Variants in EVI5 observed in about 807,000 individuals in gnomAD.
The protein encoded by EVI5 is ecotropic viral integration site 5 protein homolog.
Under a neutral mutation model 112.0 loss-of-function variants are expected in EVI5, and 73 were observed. The observed-to-expected ratio is 0.65, with a 90% confidence interval of 0.54 to 0.79. The LOEUF (loss-of-function observed/expected upper bound fraction) is 0.79, where lower values mean the gene tolerates loss of function less well. Ranked by LOEUF, EVI5 falls within the 30% of genes least tolerant of loss-of-function variation. EVI5 has a pLI of 0.00. For missense variants in EVI5, 900 were observed against 968.8 expected (o/e 0.93, Z 0.94); for synonymous variants, 305 against 319.9 (o/e 0.95, Z 0.50).
chr1:92,649,913 T>G (rs867988516), intron 13 of EVI5, among the ~76,000 whole-genome samples: 6 of 152,230 alleles, frequency 3.9e-5, no homozygotes, highest in Non-Finnish European at 7.3e-5. Context: ...ATATCCAGTT[T>G]TCCCAGCATC....
chr1:92,774,617 C>T (rs561140077), intron 1 of EVI5, among the ~76,000 whole-genome samples: 1 of 152,290 alleles, frequency 6.6e-6, no homozygotes, highest in Admixed American at 6.5e-5. Flanking sequence ...CTAGCAGTTA[C>T]TTAAGAGGAG....
intron 19 of EVI5, among the ~76,000 whole-genome samples, chr1:92,547,927 A>G (rs1309553037): frequency 2.0e-5 from 3 of 152,226 alleles, no homozygotes; most frequent in Admixed American, 2.0e-4. Flanking sequence ...TACAAGGAGG[A>G]GCTGGTACCA....
At chr1:92,529,310 T>G (rs561959411) in intron 19 of EVI5, among the ~76,000 whole-genome samples, 1 of 152,280 alleles carries the variant, frequency 6.6e-6, no homozygotes, top group Admixed American at 6.5e-5. Context: ...TGACCTACTT[T>G]GATACTGTAT....
chr1:92,726,123 G>A (rs189359580), intron 2 of EVI5, among the ~76,000 whole-genome samples: 8 of 152,248 alleles, frequency 5.3e-5, no homozygotes, highest in African/African-American at 1.9e-4. Flanking sequence ...TAAAGAAGAG[G>A]CAAGAAAGGG....
upstream of EVI5, among the ~76,000 whole-genome samples, chr1:92,789,438 G>A (rs942842011): frequency 3.3e-5 from 5 of 152,000 alleles, no homozygotes; most frequent in Non-Finnish European, 4.4e-5. Context: ...GAGCAGCTGG[G>A]ACTACAGGCG....
chr1:92,516,425 T>C (rs529688942), intron 19 of EVI5, among the ~76,000 whole-genome samples: 16 of 152,320 alleles, frequency 1.1e-4, no homozygotes, highest in Admixed American at 2.6e-4. Flanking sequence ...AGGAATCTCA[T>C]TGAGAGCTGT....
At chr1:92,558,287 GTGA>G (rs1667990435) in intron 19 of EVI5, among the ~76,000 whole-genome samples, 1 of 151,486 alleles carries the variant, frequency 6.6e-6, no homozygotes, top group Non-Finnish European at 1.5e-5. Flanking sequence ...TCACATGCCA[GTGA>G]TGGCTACAAT....
intron 1 of EVI5, among the ~76,000 whole-genome samples, chr1:92,765,504 A>G (rs894583202): frequency 2.0e-5 from 3 of 151,412 alleles, no homozygotes; most frequent in African/African-American, 7.3e-5. Flanking sequence ...CACAGTAAAT[A>G]TCAAGACACA....
chr1:92,574,535 T>G (rs549272962), intron 18 of EVI5, among the ~76,000 whole-genome samples: 1 of 152,274 alleles, frequency 6.6e-6, no homozygotes, highest in South Asian at 2.1e-4. Flanking sequence ...GAATGTCAAG[T>G]TGCTTTGAGC....
chr1:92,529,101 A>G (rs778221938), intron 19 of EVI5, among the ~76,000 whole-genome samples: 1 of 152,210 alleles, frequency 6.6e-6, no homozygotes, highest in Non-Finnish European at 1.5e-5. Context: ...TGCCCATTAC[A>G]AAATTGCTCT....
intron 1 of EVI5, chr1:92,757,099 A>G (rs1328668150): frequency 6.1e-6 from 1 of 164,734 alleles, no homozygotes; most frequent in East Asian, 1.8e-4. Context: ...AAGACTGAAT[A>G]TCTCTTTCAA....
chr1:92,649,907 C>T (rs1661787110), intron 13 of EVI5, among the ~76,000 whole-genome samples: 2 of 152,186 alleles, frequency 1.3e-5, no homozygotes, highest in South Asian at 4.1e-4. Flanking sequence ...AGGAGAATAT[C>T]CAGTTTTCCC....
chr1:92,537,604 A>T (rs1455048255), intron 19 of EVI5, among the ~76,000 whole-genome samples: 2 of 152,144 alleles, frequency 1.3e-5, no homozygotes, highest in African/African-American at 4.8e-5. Context: ...ATTCTCAATT[A>T]TCAGCTTCTT....
At chr1:92,754,379 G>A (rs532240657) in intron 1 of EVI5, among the ~76,000 whole-genome samples, 10 of 152,254 alleles carry the variant, frequency 6.6e-5, no homozygotes, top group African/African-American at 2.4e-4. Flanking sequence ...GGCAAACATG[G>A]AAACAATTAC....
chr1:92,524,085 A>G (rs1368662332), intron 19 of EVI5, among the ~76,000 whole-genome samples: 1 of 150,898 alleles, frequency 6.6e-6, no homozygotes, highest in Non-Finnish European at 1.5e-5. Context: ...TGACAGAGCA[A>G]GACTCCATCT....
At position 92,629,682 on chromosome 1, in the gene EVI5, A is replaced by G. The variant is rs533636249; in HGVS notation, c.1528-3748T>C. Among the ~76,000 whole-genome samples, 41 of 151,776 alleles carry G rather than the reference A, an allele frequency of 2.7e-4. 1 individual carries two copies. The highest frequency in any genetic ancestry group is 9.7e-4 in the African/African-American group (40 of 41,370). ...TTTTTTTTTCTTTTTTTCTTTTATTATACTTTAAGTTTTAGGGTACATGTG... is the reference window on the plus strand; with the variant it reads ...TTTTTTTTTCTTTTTTTCTTTTATTGTACTTTAAGTTTTAGGGTACATGTG... On this transcript the variant is annotated intron_variant, in intron 14 of 19. Transcript: ENST00000684568.
chr1:92,589,391 C>T lies in EVI5; in HGVS notation c.2070+15916G>A, dbSNP rs368496958. On this transcript the variant is annotated intron_variant, in intron 18 of 19. Coordinates refer to ENST00000684568, the MANE Select transcript of EVI5 (RefSeq NM_001350197.2). Reference sequence around the variant, plus strand: ...CCAAGGAAAGGGGTGACAGATGGCACGTGGAAAATCAAGTCACTCCCACCC... The same window carrying T: ...CCAAGGAAAGGGGTGACAGATGGCATGTGGAAAATCAAGTCACTCCCACCC... 1.8e-4 allele frequency among the ~76,000 whole-genome samples: 27 copies of T among 152,220 alleles called. No individual in the cohort carries two copies. In the East Asian group the frequency reaches 3.3e-3, roughly 19 times the overall value.
intron 1 of EVI5, among the ~76,000 whole-genome samples, chr1:92,751,629 T>C (rs781633576): frequency 6.6e-6 from 1 of 152,202 alleles, no homozygotes; most frequent in Non-Finnish European, 1.5e-5. Context: ...AGGGGTTGCA[T>C]GAGAGGTGAG....
rs371917740 is a variant in EVI5, at chr1:92,589,405, T to C, written c.2070+15902A>G. Reference sequence around the variant, plus strand: ...GACAGATGGCACGTGGAAAATCAAGTCACTCCCACCCCAATACTGCACTTT... The same window carrying C: ...GACAGATGGCACGTGGAAAATCAAGCCACTCCCACCCCAATACTGCACTTT... On this transcript the variant is annotated intron_variant, in intron 18 of 19. Coordinates refer to ENST00000684568, the MANE Select transcript of EVI5 (RefSeq NM_001350197.2). Among the ~76,000 whole-genome samples, 37 of 152,196 alleles carry C rather than the reference T, an allele frequency of 2.4e-4. No individual in the cohort carries two copies. In the South Asian group the frequency reaches 7.7e-3, roughly 32 times the overall value.
Sources: gnomAD v4.1 joint callset for allele counts (sites outside exome capture counted in the v4.1 genomes callset) on GRCh38, gnomAD v4.1.1 for gene constraint, MANE v1.5 for transcripts, NCBI Gene and HGNC (gene_info 2026-07-23, HGNC 2026-07-21) for gene names.